SLC16A7: variants seen among roughly 807,000 people sequenced by gnomAD.
The protein encoded by SLC16A7 is monocarboxylate transporter 2.
Under a neutral mutation model 34.9 loss-of-function variants are expected in SLC16A7, and 33 were observed. That is an observed-to-expected ratio of 0.94 (90% CI 0.72 to 1.26). The LOEUF (loss-of-function observed/expected upper bound fraction) is 1.26, where lower values mean the gene tolerates loss of function less well. SLC16A7 is among the 50% of genes most tolerant of loss of function. The pLI is 0.00. For synonymous variants in SLC16A7, 201 were observed against 206.6 expected (o/e 0.97, Z 0.23); for missense variants, 573 against 578.1 (o/e 0.99, Z 0.09).
intron 3 of SLC16A7, among the ~76,000 whole-genome samples, chr12:59,707,207 C>T (rs547004662): frequency 1.1e-4 from 16 of 152,080 alleles, no homozygotes; most frequent in African/African-American, 3.9e-4. Flanking sequence ...ACTGCCCTAC[C>T]CAGAGTTAGG....
intron 3 of SLC16A7, among the ~76,000 whole-genome samples, chr12:59,740,452 G>A (rs1243645031): frequency 6.6e-6 from 1 of 152,096 alleles, no homozygotes; most frequent in Non-Finnish European, 1.5e-5. Context: ...CTGTAGCCTT[G>A]TAGTATAGTT....
intron 1 of SLC16A7, among the ~76,000 whole-genome samples, chr12:59,623,118 T>C (rs1173941504): frequency 6.6e-6 from 1 of 150,852 alleles, no homozygotes; most frequent in African/African-American, 2.4e-5. Context: ...GTATATATTT[T>C]GGGACTTTTT....
rs1414629826 is a variant in SLC16A7 at position 59,616,001 on chromosome 12, AG to A, written c.-130+19769del. Among the ~76,000 whole-genome samples the A allele has an allele frequency of 3.9e-5, 6 of 152,146 alleles. No homozygotes were observed. In the South Asian group the frequency reaches 1.2e-3, roughly 32 times the overall value. The stretch of plus-strand genomic sequence containing the variant: ...TGTAATGCCCTTCAATTTCACTGGA[AG>A]GGGAAACTACAGATAATAGTCATGG... On this transcript the variant is annotated intron_variant, in intron 1 of 5. Coordinates refer to ENST00000547379, the MANE Select transcript of SLC16A7 (RefSeq NM_001270623.2).
At chr12:59,712,115 A>G (rs558330267) in intron 3 of SLC16A7, among the ~76,000 whole-genome samples, 54 of 152,312 alleles carry the variant, frequency 3.5e-4, no homozygotes, top group African/African-American at 1.2e-3. Context: ...TCCTGCTCAG[A>G]GTCATTATTA....
chr12:59,749,098 G>GA lies in SLC16A7; in HGVS notation c.218-22114dup, dbSNP rs532407188. 6.6e-5 allele frequency among the ~76,000 whole-genome samples: 10 copies of GA among 152,136 alleles called. No homozygotes were observed. In the South Asian group the frequency reaches 1.0e-3, roughly 16 times the overall value. The stretch of plus-strand genomic sequence containing the variant: ...GCAGACAAAAGTACACTAGTTTGGG[G>GA]AAAAAAATGCCACAAAGGAAATTTA... On this transcript the variant is annotated intron_variant, in intron 3 of 5. Transcript: ENST00000547379.
chr12:59,620,556 C>G (rs1445701051), intron 1 of SLC16A7, among the ~76,000 whole-genome samples: 1 of 151,924 alleles, frequency 6.6e-6, no homozygotes, highest in South Asian at 2.1e-4. Context: ...TCTAGTCACT[C>G]CTGTTCTTGG....
chr12:59,604,006 T>C (rs1234289090), intron 1 of SLC16A7, among the ~76,000 whole-genome samples: 1 of 152,236 alleles, frequency 6.6e-6, no homozygotes, highest in Non-Finnish European at 1.5e-5. Flanking sequence ...ACCAATGTGG[T>C]GACAGCTCAC....
In SLC16A7 at chr12:59,647,032, C is replaced by T. The variant is rs552058098; in HGVS notation, c.-129-8120C>T. Reference sequence around the variant, plus strand: ...TAACATGCTTTTGATTTTACAGGTTCACAGACAGAAGGGACTTCCCTTGTC... The same window carrying T: ...TAACATGCTTTTGATTTTACAGGTTTACAGACAGAAGGGACTTCCCTTGTC... On this transcript the variant is annotated intron_variant, in intron 1 of 5. Transcript: ENST00000547379. Among the ~76,000 whole-genome samples, 3 of 152,258 alleles carry T rather than the reference C, an allele frequency of 2.0e-5. No homozygotes were observed. In the South Asian group the frequency reaches 6.2e-4, roughly 32 times the overall value.
intron 1 of SLC16A7, among the ~76,000 whole-genome samples, chr12:59,653,343 T>C (rs1239604909): frequency 6.6e-6 from 1 of 151,638 alleles, no homozygotes; most frequent in Non-Finnish European, 1.5e-5. Context: ...AGAATCAAAA[T>C]GTGGGAGATC....
intron 2 of SLC16A7, among the ~76,000 whole-genome samples, chr12:59,691,887 A>G (rs1451285415): frequency 1.3e-5 from 2 of 152,006 alleles, no homozygotes; most frequent in Non-Finnish European, 2.9e-5. Flanking sequence ...TGTGCCTACA[A>G]GAAAAACATC....
At chr12:59,638,790 G>A (rs940413671) in intron 1 of SLC16A7, among the ~76,000 whole-genome samples, 2 of 152,048 alleles carry the variant, frequency 1.3e-5, no homozygotes, top group Non-Finnish European at 2.9e-5. Flanking sequence ...ATCCTGATGG[G>A]TTATTACATC....
chr12:59,733,948 G>A (rs895179602), intron 3 of SLC16A7: 1 of 406,052 alleles, frequency 2.5e-6, no homozygotes, highest in East Asian at 7.2e-5. Context: ...AGAGTCTGGG[G>A]TTTTTAAGGG....
chr12:59,680,963 T>C (rs1014994753), intron 2 of SLC16A7, among the ~76,000 whole-genome samples: 1 of 152,214 alleles, frequency 6.6e-6, no homozygotes, highest in Non-Finnish European at 1.5e-5. Context: ...TTTCTCACCA[T>C]TGATAATGCC....
chr12:59,678,346 AGAG>A lies in SLC16A7; in HGVS notation c.-31+23100_-31+23102del, dbSNP rs1870474882. 3.9e-5 allele frequency among the ~76,000 whole-genome samples: 6 copies of A among 152,244 alleles called. No individual in the cohort carries two copies. In the South Asian group the frequency reaches 1.0e-3, roughly 26 times the overall value. On this transcript the variant is annotated intron_variant, in intron 2 of 5. Coordinates refer to ENST00000547379, the MANE Select transcript of SLC16A7 (RefSeq NM_001270623.2). ...GACAAATGGAGGGTGAGCAAGGTGA[AGAG>A]GAGTTTTATTGAGTGATAGAACAGC...
At chr12:59,659,604 C>T (rs1296715372) in intron 2 of SLC16A7, among the ~76,000 whole-genome samples, 2 of 152,018 alleles carry the variant, frequency 1.3e-5, no homozygotes, top group African/African-American at 4.8e-5. Context: ...CAGCTAGCCC[C>T]TTTGATTCAT....
At chr12:59,718,742 T>C (rs1260265552) in intron 3 of SLC16A7, among the ~76,000 whole-genome samples, 3 of 152,160 alleles carry the variant, frequency 2.0e-5, no homozygotes, top group Non-Finnish European at 4.4e-5. Context: ...TTCTGCAGCA[T>C]GGGAACTAGG....
intron 1 of SLC16A7, among the ~76,000 whole-genome samples, chr12:59,648,573 T>C (rs1283930307): frequency 6.6e-6 from 1 of 152,150 alleles, no homozygotes; most frequent in African/African-American, 2.4e-5. Flanking sequence ...TGATGTAGTG[T>C]AACTGGGATT....
intron 3 of SLC16A7, among the ~76,000 whole-genome samples, chr12:59,715,001 A>G (rs1431442857): frequency 6.6e-6 from 1 of 152,210 alleles, no homozygotes; most frequent in Non-Finnish European, 1.5e-5. Context: ...TAGGGCTTCA[A>G]CATGAATTTT....
rs1375198857 is a variant in SLC16A7 at position 59,781,162 on chromosome 12, C to T, written c.*1483C>T. 6.6e-6 allele frequency: 1 copy of T among 152,070 alleles called. No individual in the cohort carries two copies. The highest frequency in any genetic ancestry group is 6.6e-5 in the Admixed American group (1 of 15,232). 9.4% of individuals were successfully genotyped at this position (152,070 alleles called of 1,614,324 possible). A position where few individuals can be genotyped will look rare whatever the true frequency, so the allele number is the denominator to read the frequency against. Reference sequence around the variant, plus strand: ...TTTGAATCACTCCTGAATACAGAGGCATATTCTTTTTAAACTATAAATACC... The same window carrying T: ...TTTGAATCACTCCTGAATACAGAGGTATATTCTTTTTAAACTATAAATACC... On this transcript the variant is annotated 3_prime_UTR_variant, in exon 6 of 6. Coordinates refer to ENST00000547379, the MANE Select transcript of SLC16A7 (RefSeq NM_001270623.2).
Sources: gnomAD v4.1 joint callset for allele counts (sites outside exome capture counted in the v4.1 genomes callset) on GRCh38, gnomAD v4.1.1 for gene constraint, MANE v1.5 for transcripts, NCBI Gene and HGNC (gene_info 2026-07-23, HGNC 2026-07-21) for gene names.